NRG3: variants seen among roughly 807,000 people sequenced by gnomAD.
NRG3 encodes the protein pro-neuregulin-3, membrane-bound isoform.
A neutral mutation model predicts 66.9 loss-of-function variants in NRG3; 31 were observed. The observed-to-expected ratio is 0.46, with a 90% CI of 0.35 to 0.63. The LOEUF (loss-of-function observed/expected upper bound fraction) is 0.63. Among genes scored for constraint, NRG3 ranks in the 20% least tolerant of loss-of-function variants. NRG3 has a pLI of 0.00. For missense variants in NRG3, 910 were observed against 878.9 expected, an observed-to-expected ratio of 1.04 and a Z score of -0.45; for synonymous variants, 393 against 359.4, an observed-to-expected ratio of 1.09 and a Z score of -1.06.
chr10:82,623,588 A>G (rs1274062484), intron 2 of NRG3, among the ~76,000 whole-genome samples: 1 of 152,180 alleles, frequency 6.6e-6, no homozygotes, highest in Admixed American at 6.6e-5. Context: ...CAGTCTTCCT[A>G]GAGTTTTCAG....
intron 1 of NRG3, among the ~76,000 whole-genome samples, chr10:82,299,391 TCA>T (rs2080259040): frequency 6.6e-6 from 1 of 152,152 alleles, no homozygotes; most frequent in African/African-American, 2.4e-5. Context: ...TTTCTCAGTA[TCA>T]CACAGCTAAT....
intron 1 of NRG3, among the ~76,000 whole-genome samples, chr10:81,921,965 G>A (rs1846292182): frequency 6.6e-6 from 1 of 152,074 alleles, no homozygotes; most frequent in Admixed American, 6.6e-5. Flanking sequence ...AAATGTTATG[G>A]TTCCCTTCAT....
At chr10:81,881,842 T>G (rs981442443) in intron 1 of NRG3, among the ~76,000 whole-genome samples, 1 of 149,484 alleles carries the variant, frequency 6.7e-6, no homozygotes, top group South Asian at 2.1e-4. Context: ...AACTATCAGC[T>G]TTTTTTTTCT....
At chr10:82,896,671 A>T (rs1035346207) in intron 4 of NRG3, among the ~76,000 whole-genome samples, 1 of 152,324 alleles carries the variant, frequency 6.6e-6, no homozygotes, top group African/African-American at 2.4e-5. Context: ...GTGGCTTATA[A>T]GTCAGCAAAA....
At chr10:82,092,246 C>T (rs901348173) in intron 1 of NRG3, among the ~76,000 whole-genome samples, 10 of 152,124 alleles carry the variant, frequency 6.6e-5, no homozygotes, top group Non-Finnish European at 1.3e-4. Context: ...TGGCAGAAAC[C>T]TGATGCAAAT....
At chr10:82,433,602 A>T (rs749934700) in intron 2 of NRG3, among the ~76,000 whole-genome samples, 2 of 152,168 alleles carry the variant, frequency 1.3e-5, no homozygotes, top group African/African-American at 2.4e-5. Context: ...TAAGTATTTA[A>T]TCCATCTTCA....
chr10:82,128,611 C>T (rs1216326911), intron 1 of NRG3, among the ~76,000 whole-genome samples: 1 of 152,034 alleles, frequency 6.6e-6, no homozygotes, highest in African/African-American at 2.4e-5. Context: ...ATATTCTTTA[C>T]CTTGACATTT....
At chr10:82,426,549 C>T (rs2136282665) in intron 2 of NRG3, among the ~76,000 whole-genome samples, 1 of 148,350 alleles carries the variant, frequency 6.7e-6, no homozygotes, top group African/African-American at 2.5e-5. Context: ...TGGATGACAG[C>T]TTTCAAGCTT....
chr10:82,524,127 G>T (rs763149029), intron 2 of NRG3, among the ~76,000 whole-genome samples: 1 of 151,976 alleles, frequency 6.6e-6, no homozygotes, highest in Non-Finnish European at 1.5e-5. Context: ...AAAACAAGAG[G>T]CACCTTTGTG....
chr10:82,121,580 C>CT (rs1033291228), intron 1 of NRG3, among the ~76,000 whole-genome samples: 61 of 152,086 alleles, frequency 4.0e-4, no homozygotes, highest in African/African-American at 1.3e-3. Flanking sequence ...ATCGTTTGAA[C>CT]TTTAGATGAC....
intron 1 of NRG3, among the ~76,000 whole-genome samples, chr10:82,003,495 A>G (rs1043788489): frequency 1.3e-5 from 2 of 152,196 alleles, no homozygotes; most frequent in Non-Finnish European, 2.9e-5. Flanking sequence ...AGGTAGGACT[A>G]AGAGACTGAG....
intron 2 of NRG3, among the ~76,000 whole-genome samples, chr10:82,549,618 C>A (rs534330761): frequency 6.6e-6 from 1 of 152,144 alleles, no homozygotes; most frequent in African/African-American, 2.4e-5. Context: ...TGTTACAAAG[C>A]TGATGCAGAA....
At chr10:82,290,140 G>A (rs2079642650) in intron 1 of NRG3, among the ~76,000 whole-genome samples, 1 of 152,184 alleles carries the variant, frequency 6.6e-6, no homozygotes, top group Admixed American at 6.5e-5. Context: ...TCCTTGGGAA[G>A]GGCTTTGGAG....
intron 2 of NRG3, among the ~76,000 whole-genome samples, chr10:82,708,527 A>G (rs72829382): frequency 0.02 from 3,051 of 152,260 alleles, 56 homozygotes; most frequent in Middle Eastern, 0.034. Context: ...TGTGTATTCA[A>G]TGTTTCACTC....
chr10:82,133,379 A>G (rs918391877), intron 1 of NRG3, among the ~76,000 whole-genome samples: 1 of 152,086 alleles, frequency 6.6e-6, no homozygotes, highest in African/African-American at 2.4e-5. Context: ...CCCATACCCA[A>G]TAGTTATATT....
chr10:82,877,537 C>CTTT (rs61471998), intron 4 of NRG3, among the ~76,000 whole-genome samples: 10 of 74,938 alleles, frequency 1.3e-4, no homozygotes, highest in Middle Eastern at 8.9e-3. Context: ...CCACACCCGG[C>CTTT]TTTTTTTTTT....
chr10:82,301,455 C>G (rs181303816), intron 1 of NRG3, among the ~76,000 whole-genome samples: 54 of 152,212 alleles, frequency 3.5e-4, no homozygotes, highest in Non-Finnish European at 3.4e-4. Flanking sequence ...AGGAACAAGA[C>G]AGAATCCTAC....
intron 2 of NRG3, among the ~76,000 whole-genome samples, chr10:82,683,809 T>C (rs138950873): frequency 1.4e-4 from 22 of 152,372 alleles, no homozygotes; most frequent in Non-Finnish European, 2.9e-4. Flanking sequence ...CCAGTGATTT[T>C]AGTTCAAAAC....
chr10:82,531,476 A>G (rs1565034305), intron 2 of NRG3, among the ~76,000 whole-genome samples: 2 of 151,908 alleles, frequency 1.3e-5, no homozygotes, highest in East Asian at 3.9e-4. Flanking sequence ...TTTAGAAATA[A>G]TTTTACTTTT....
Sources: allele counts gnomAD v4.1 joint callset (sites outside exome capture counted in the v4.1 genomes callset), GRCh38; gene constraint gnomAD v4.1.1; transcripts MANE v1.5; gene names NCBI Gene and HGNC (gene_info 2026-07-23, HGNC 2026-07-21).